Variants in ACSS3 observed in about 807,000 individuals in gnomAD.
ACSS3 encodes the protein acyl-CoA synthetase short-chain family member 3, mitochondrial.
A neutral mutation model predicts 84.2 loss-of-function variants in ACSS3; 64 were observed. The observed-to-expected ratio is 0.76, with a 90% CI of 0.62 to 0.94. ACSS3 has a LOEUF of 0.94. Among genes scored for constraint, ACSS3 ranks in the 40% least tolerant of loss-of-function variants. The pLI is 0.00. For synonymous variants in ACSS3, 317 were observed against 310.1 expected, an observed-to-expected ratio of 1.02 and a Z score of -0.23; for missense variants, 815 against 867.6, an observed-to-expected ratio of 0.94 and a Z score of 0.76.
chr12:81,156,958 C>T (rs1448277555), intron 7 of ACSS3, among the ~76,000 whole-genome samples: 4 of 152,072 alleles, frequency 2.6e-5, no homozygotes, highest in East Asian at 1.9e-4. Flanking sequence ...TTCACAGTCT[C>T]TTTCAGAAAA....
intron 2 of ACSS3, among the ~76,000 whole-genome samples, chr12:81,110,542 AC>A (rs1883487896): frequency 6.6e-6 from 1 of 152,350 alleles, no homozygotes; most frequent in East Asian, 1.9e-4. Context: ...TGGAACATTT[AC>A]TAAAAATGAT....
At chr12:81,099,092 T>C (rs1405731196) in intron 1 of ACSS3, among the ~76,000 whole-genome samples, 1 of 152,186 alleles carries the variant, frequency 6.6e-6, no homozygotes, top group African/African-American at 2.4e-5. Context: ...TAATCTGTTG[T>C]AGTCTTCTTA....
chr12:81,233,916 A>G (rs980885814), intron 13 of ACSS3, among the ~76,000 whole-genome samples: 3 of 151,576 alleles, frequency 2.0e-5, no homozygotes, highest in African/African-American at 7.3e-5. Context: ...ATGTTTTAAA[A>G]ACTTATTCCT....
Position 81,109,699 on chromosome 12 carries a change from G to A in ACSS3, c.451G>A (p.Glu151Lys), listed in dbSNP as rs1352772454. Residue 151 changes from glutamate (E) to lysine (K), a missense_variant, in exon 2 of 16, where the codon GAG (glutamate) becomes AAG (lysine). Coordinates refer to ENST00000548058, the MANE Select transcript of ACSS3 (RefSeq NM_024560.4). ...AACCTTTACCTATAAAGAAGTTCTG[G>A]AGCAGGTAATATCATAAACTTTATA... ...KATFTYKEVL[E>K]QVSKLAGVLV... 1 of 1,594,088 alleles carries A rather than the reference G, an allele frequency of 6.3e-7. No homozygotes were observed. Among genetic ancestry groups the A allele is most frequent in the East Asian group, 2.2e-5 (1 of 44,542 alleles).
intron 9 of ACSS3, among the ~76,000 whole-genome samples, chr12:81,207,869 T>C (rs148037155): frequency 4.6e-5 from 7 of 152,216 alleles, no homozygotes; most frequent in Non-Finnish European, 7.4e-5. Flanking sequence ...GGCTTCTCCA[T>C]TGAGTCCTCC....
At chr12:81,138,816 G>T (rs1227607407) in intron 3 of ACSS3, among the ~76,000 whole-genome samples, 1 of 152,094 alleles carries the variant, frequency 6.6e-6, no homozygotes, top group Non-Finnish European at 1.5e-5. Context: ...GGGGCCTCAA[G>T]ATTTGCATTG....
At chr12:81,248,749 G>A (rs2034061439) in intron 13 of ACSS3, among the ~76,000 whole-genome samples, 1 of 151,928 alleles carries the variant, frequency 6.6e-6, no homozygotes, top group African/African-American at 2.4e-5. Context: ...TACTCGAAGT[G>A]ATGGATACCT....
chr12:81,191,790 G>A (rs1294382444), intron 8 of ACSS3, among the ~76,000 whole-genome samples: 1 of 151,538 alleles, frequency 6.6e-6, no homozygotes, highest in Non-Finnish European at 1.5e-5. Context: ...TGATTTTTCT[G>A]CTTTTTTTTC....
At chr12:81,232,907 G>T (rs1282158733) in intron 12 of ACSS3, among the ~76,000 whole-genome samples, 1 of 151,594 alleles carries the variant, frequency 6.6e-6, no homozygotes, top group Non-Finnish European at 1.5e-5. Flanking sequence ...TGAAGCTTGA[G>T]TCCAATCCTA....
intron 1 of ACSS3, among the ~76,000 whole-genome samples, chr12:81,094,184 C>CTGTGTG (rs34746505): frequency 0.021 from 3,017 of 146,680 alleles, 45 homozygotes; most frequent in Non-Finnish European, 0.028. Flanking sequence ...GTCTCTCTCT[C>CTGTGTG]TGTGTGTGTG....
At chr12:81,197,930 C>A (rs1183191792) in intron 8 of ACSS3, among the ~76,000 whole-genome samples, 2 of 152,090 alleles carry the variant, frequency 1.3e-5, no homozygotes, top group African/African-American at 4.8e-5. Flanking sequence ...GTATCACACC[C>A]CAATATGTGC....
chr12:81,169,746 G>A lies in ACSS3; in HGVS notation c.1099-5042G>A, dbSNP rs775741746. The stretch of plus-strand genomic sequence containing the variant: ...ACAAGTTTTAAGTTTAAATGTTGCT[G>A]TCCCAAGCACTCATCCCTTGATAAA... On this transcript the variant is annotated intron_variant, in intron 7 of 15. Coordinates refer to ENST00000548058, the MANE Select transcript of ACSS3 (RefSeq NM_024560.4). Among the ~76,000 whole-genome samples, 108 of 152,020 alleles carry A rather than the reference G, an allele frequency of 7.1e-4. 1 individual carries two copies. Among genetic ancestry groups the A allele is most frequent in the Admixed American group, 2.6e-4 (4 of 15,264 alleles).
intron 7 of ACSS3, among the ~76,000 whole-genome samples, chr12:81,163,861 G>C (rs1322479977): frequency 3.9e-5 from 6 of 152,102 alleles, no homozygotes; most frequent in Non-Finnish European, 1.5e-5. Flanking sequence ...TGTACAATGT[G>C]TTTGTCTTTT....
chr12:81,228,728 G>T (rs2033352003), intron 11 of ACSS3, among the ~76,000 whole-genome samples: 1 of 151,560 alleles, frequency 6.6e-6, no homozygotes, highest in African/African-American at 2.4e-5. Flanking sequence ...CTCTGGATTA[G>T]GTACATACTA....
chr12:81,155,694 T>A (rs1886828934), intron 7 of ACSS3, among the ~76,000 whole-genome samples: 1 of 152,250 alleles, frequency 6.6e-6, no homozygotes, highest in Non-Finnish European at 1.5e-5. Context: ...CCTCTTGACA[T>A]GTATTCAGGG....
chr12:81,213,931 T>TA, intron 9 of ACSS3, among the ~76,000 whole-genome samples: 1 of 91,364 alleles, frequency 1.1e-5, no homozygotes, highest in African/African-American at 4.7e-5. Flanking sequence ...CTTCCTTCCT[T>TA]CCTTTCTCTC....
At chr12:81,139,802 A>C (rs1565999559) in intron 4 of ACSS3, among the ~76,000 whole-genome samples, 1 of 151,296 alleles carries the variant, frequency 6.6e-6, no homozygotes, top group Non-Finnish European at 1.5e-5. Context: ...CACCCGGCTA[A>C]TTTTTTGTAT....
chr12:81,235,708 T>G (rs1166484590), intron 13 of ACSS3, among the ~76,000 whole-genome samples: 2 of 151,478 alleles, frequency 1.3e-5, no homozygotes, highest in Non-Finnish European at 3.0e-5. Context: ...TTTGTTAAGT[T>G]TATATTTAAG....
At chr12:81,245,682 A>G (rs2033961386) in intron 13 of ACSS3, among the ~76,000 whole-genome samples, 1 of 152,162 alleles carries the variant, frequency 6.6e-6, no homozygotes, top group Non-Finnish European at 1.5e-5. Flanking sequence ...TTCTGCTCCA[A>G]TAAATTGTGT....
Sources: allele counts gnomAD v4.1 joint callset (sites outside exome capture counted in the v4.1 genomes callset), GRCh38; gene constraint gnomAD v4.1.1; transcripts MANE v1.5; gene names NCBI Gene and HGNC (gene_info 2026-07-23, HGNC 2026-07-21).